RFX3: variants seen among roughly 807,000 people sequenced by gnomAD.
RFX3 encodes regulatory factor X3.
A neutral mutation model predicts 98.6 loss-of-function variants in RFX3; 14 were observed. The ratio of observed to expected loss-of-function variants is 0.14; its 90% CI spans 0.09 to 0.22. RFX3 has a LOEUF of 0.22. Among genes scored for constraint, RFX3 ranks in the 10% least tolerant of loss-of-function variants. RFX3 has a pLI of 1.00. For missense variants in RFX3, 639 were observed against 926.9 expected (o/e 0.69, Z 4.03); for synonymous variants, 383 against 328.4 (o/e 1.17, Z -1.80).
intron 1 of RFX3, among the ~76,000 whole-genome samples, chr9:3,425,701 A>G (rs922851205): frequency 1.3e-5 from 2 of 152,098 alleles, no homozygotes; most frequent in African/African-American, 4.8e-5. Flanking sequence ...AAAAATGGAA[A>G]ATTTTCAACA....
Position 3,504,452 on chromosome 9 carries a change from T to G in RFX3, c.-9+21295A>C, listed in dbSNP as rs369791406. ...GTATATATTGTATATAAAATATATA[T>G]TATATGCCATATGGTATATATTGTA... On this transcript the variant is annotated intron_variant, in intron 1 of 16. Transcript: ENST00000617270. Among the ~76,000 whole-genome samples, 58 of 124,682 alleles carry G rather than the reference T, an allele frequency of 4.7e-4. 1 individual carries two copies. Among genetic ancestry groups the G allele is most frequent in the African/African-American group, 1.5e-3 (44 of 30,342 alleles). 81.8% of individuals were successfully genotyped at this position (124,682 alleles called of 152,430 possible).
chr9:3,472,059 G>T (rs951308656), intron 1 of RFX3, among the ~76,000 whole-genome samples: 1 of 152,172 alleles, frequency 6.6e-6, no homozygotes, highest in Non-Finnish European at 1.5e-5. Context: ...CAGTCTTAGG[G>T]CAGGCAATTT....
chr9:3,392,328 A>AC (rs1197603788), intron 2 of RFX3, among the ~76,000 whole-genome samples: 1 of 152,046 alleles, frequency 6.6e-6, no homozygotes, highest in East Asian at 1.9e-4. Context: ...GAGAAAAAAA[A>AC]TTTCAACAAG....
chr9:3,329,183 G>C (rs749473991), intron 4 of RFX3, among the ~76,000 whole-genome samples: 2 of 151,884 alleles, frequency 1.3e-5, no homozygotes, highest in African/African-American at 4.8e-5. Context: ...GAGGAGGGTG[G>C]GTTACCGAAG....
At chr9:3,421,436 C>T (rs992795508) in intron 1 of RFX3, among the ~76,000 whole-genome samples, 1 of 152,112 alleles carries the variant, frequency 6.6e-6, no homozygotes, top group Non-Finnish European at 1.5e-5. Context: ...TTTAAATTAC[C>T]AAACATCCAA....
At chr9:3,403,156 G>C (rs1284330196) in intron 1 of RFX3, among the ~76,000 whole-genome samples, 1 of 151,880 alleles carries the variant, frequency 6.6e-6, no homozygotes, top group African/African-American at 2.4e-5. Context: ...TAAAACACTT[G>C]GCTTTCTTCC....
At chr9:3,395,421 G>GT in intron 2 of RFX3, 51 bp downstream of exon 2, 5 of 1,594,900 alleles carry the variant, frequency 3.1e-6, no homozygotes, top group Non-Finnish European at 4.3e-6. Context: ...ATGTTGGACA[G>GT]CCAACATAAT....
intron 5 of RFX3, among the ~76,000 whole-genome samples, chr9:3,295,845 A>G (rs570826393): frequency 1.2e-4 from 19 of 152,206 alleles, no homozygotes; most frequent in African/African-American, 4.6e-4. Flanking sequence ...TTATAATATG[A>G]ACTTTACAAC....
intron 1 of RFX3, among the ~76,000 whole-genome samples, chr9:3,425,032 C>G (rs1436145364): frequency 6.6e-6 from 1 of 152,094 alleles, no homozygotes; most frequent in African/African-American, 2.4e-5. Flanking sequence ...GAGTTCAAGA[C>G]CAGCCTGGGC....
intron 2 of RFX3, among the ~76,000 whole-genome samples, chr9:3,374,036 C>T (rs1224714708): frequency 6.6e-6 from 1 of 152,044 alleles, no homozygotes; most frequent in Non-Finnish European, 1.5e-5. Context: ...CGAGATGGCA[C>T]CACTACACTC....
At chr9:3,466,657 A>C (rs1468115453) in intron 1 of RFX3, among the ~76,000 whole-genome samples, 1 of 152,154 alleles carries the variant, frequency 6.6e-6, no homozygotes, top group Non-Finnish European at 1.5e-5. Flanking sequence ...TAGATGTCTT[A>C]TTTGAAAATA....
At chr9:3,400,561 G>A (rs1477728611) in intron 1 of RFX3, among the ~76,000 whole-genome samples, 1 of 152,132 alleles carries the variant, frequency 6.6e-6, no homozygotes, top group East Asian at 1.9e-4. Flanking sequence ...TAAAAACTTA[G>A]TCTCTCTTTT....
intron 2 of RFX3, among the ~76,000 whole-genome samples, chr9:3,377,255 C>T (rs1404337208): frequency 2.6e-5 from 4 of 151,962 alleles, no homozygotes; most frequent in East Asian, 1.9e-4. Context: ...CATGGAATAC[C>T]ATGCAGCCAT....
chr9:3,490,178 T>C (rs936748829), intron 1 of RFX3: 12 of 267,522 alleles, frequency 4.5e-5, no homozygotes, highest in Non-Finnish European at 5.7e-5. Context: ...AAAATTACTA[T>C]TGAAAAAATT....
intron 3 of RFX3, among the ~76,000 whole-genome samples, chr9:3,345,804 A>G (rs940404959): frequency 1.3e-5 from 2 of 152,212 alleles, no homozygotes; most frequent in African/African-American, 4.8e-5. Context: ...AATAAAAACA[A>G]AAAAAGTCCT....
intron 2 of RFX3, among the ~76,000 whole-genome samples, chr9:3,387,037 A>G (rs145689699): frequency 9.2e-5 from 14 of 152,206 alleles, no homozygotes; most frequent in Admixed American, 7.2e-4. Context: ...GCCTTATTTC[A>G]CTTGAAATCT....
chr9:3,260,345 C>T (rs780083231), intron 13 of RFX3, among the ~76,000 whole-genome samples: 15 of 151,858 alleles, frequency 9.9e-5, no homozygotes, highest in South Asian at 2.1e-4. Flanking sequence ...GTACAGTAGA[C>T]ATATCACTGA....
chr9:3,457,832 A>G (rs1350409184), intron 1 of RFX3, among the ~76,000 whole-genome samples: 1 of 152,116 alleles, frequency 6.6e-6, no homozygotes, highest in African/African-American at 2.4e-5. Context: ...AGTAAAGAAT[A>G]CAAAGATGCC....
intron 1 of RFX3, among the ~76,000 whole-genome samples, chr9:3,407,342 C>T (rs1280731317): frequency 6.6e-6 from 1 of 152,070 alleles, no homozygotes; most frequent in Non-Finnish European, 1.5e-5. Flanking sequence ...TTCATCTGTA[C>T]AGAAATCCTG....
Sources: allele counts gnomAD v4.1 joint callset (sites outside exome capture counted in the v4.1 genomes callset), GRCh38; gene constraint gnomAD v4.1.1; transcripts MANE v1.5; gene names NCBI Gene and HGNC (gene_info 2026-07-23, HGNC 2026-07-21).